Variants in PI4KB observed in about 807,000 individuals in gnomAD.
PI4KB encodes the protein phosphatidylinositol 4-kinase beta.
PI4KB carries 23 observed loss-of-function variants against 81.4 expected under a neutral mutation model. The ratio of observed to expected loss-of-function variants is 0.28; its 90% CI spans 0.20 to 0.40. The LOEUF is 0.40. Among genes scored for constraint, PI4KB ranks in the 10% least tolerant of loss-of-function variants. The probability of loss-of-function intolerance (pLI) is 1.00; values close to 1 mark genes in which losing one functional copy is unlikely to be tolerated. For synonymous variants in PI4KB, 381 were observed against 406.8 expected (o/e 0.94, Z 0.76); for missense variants, 651 against 1,036.6 (o/e 0.63, Z 5.11).
chr1:151,315,262 C>T (rs1372847286), intron 2 of PI4KB, among the ~76,000 whole-genome samples: 2 of 152,170 alleles, frequency 1.3e-5, no homozygotes, highest in African/African-American at 4.8e-5. Flanking sequence ...CAAGCGTGAG[C>T]CACCGCGCCT....
In PI4KB at chr1:151,292,954, C is replaced by T. The variant is rs1694421257; in HGVS notation, c.2349G>A (p.Glu783=). The T allele has an allele frequency of 6.2e-7, 1 of 1,614,084 alleles. No homozygotes were observed. Among genetic ancestry groups the T allele is most frequent in the African/African-American group, 1.3e-5 (1 of 74,934 alleles). The stretch of plus-strand genomic sequence containing the variant: ...TCTGCTCCACCAGCAGCTGCAGCTG[C>T]TCCTCAGTCATGCTCATGTGGAACC... ...KERFHMSMTE[E]QLQLLVEQMV... The change falls in exon 12 of 12, where the codon GAG becomes GAA. Residue 783 remains glutamate (E), a synonymous_variant. Transcript: ENST00000368873.
At chr1:151,293,381 T>C (rs1452251024) in intron 11 of PI4KB, 8 of 1,312,578 alleles carry the variant, frequency 6.1e-6, no homozygotes, top group Non-Finnish European at 8.0e-6. Context: ...CCTCTGCCTA[T>C]GCTACGTCTG....
intron 1 of PI4KB, among the ~76,000 whole-genome samples, chr1:151,320,288 C>G (rs973463482): frequency 1.3e-5 from 2 of 152,212 alleles, no homozygotes; most frequent in African/African-American, 4.8e-5. Context: ...CCACCTCGGC[C>G]TCCCAAAGTG....
At chr1:151,310,290 G>A in intron 2 of PI4KB, 35 bp from the exon 3 acceptor site, 2 of 1,295,594 alleles carry the variant, frequency 1.5e-6, no homozygotes, top group Non-Finnish European at 2.2e-6. Flanking sequence ...GGAGAAGGAG[G>A]GGGTGGGAAG....
intron 3 of PI4KB, 138 bp downstream of exon 3, chr1:151,310,073 G>T: frequency 1.5e-6 from 1 of 653,298 alleles, no homozygotes; most frequent in Non-Finnish European, 2.8e-6. Context: ...AGGTCTGGGA[G>T]GGAGGAGCTG....
Position 151,301,922 on chromosome 1 carries a change from C to A in PI4KB, c.1671G>T (p.Arg557=). The A allele has an allele frequency of 6.2e-7, 1 of 1,614,034 alleles. No homozygotes were observed. Among genetic ancestry groups the A allele is most frequent in the South Asian group, 1.1e-5 (1 of 91,080 alleles). Residue 557 remains arginine (R), a synonymous_variant, in exon 8 of 12, where the codon CGG becomes CGT. Coordinates refer to ENST00000368873, the MANE Select transcript of PI4KB (RefSeq NM_001369623.2). The part of the protein sequence containing the change: ...GSPYGHLPNW[R]LLSVIVKCGD... ...CACACTTGACAATGACTGACAGGAG[C>A]CGCCAATTGGGGAGATGGCCGTAGG... is the stretch of plus-strand genomic sequence containing the variant.
rs77789859 is a variant in PI4KB at position 151,308,255 on chromosome 1, A to G, written c.955-454T>C. Among the ~76,000 whole-genome samples, 1,329 of 152,272 alleles carry G rather than the reference A, an allele frequency of 8.7e-3. 19 individuals are homozygous for G. The highest frequency in any genetic ancestry group is 0.03 in the African/African-American group (1,236 of 41,546). ...TAGATCTCTGCCGAGGGGCTCCGTC[A>G]AGTCCCGCAAGGCTAGAGAAGGGAG... On this transcript the variant is annotated intron_variant, in intron 3 of 11. Coordinates refer to ENST00000368873, the MANE Select transcript of PI4KB (RefSeq NM_001369623.2).
At chr1:151,308,877 T>G (rs1171226435) in intron 3 of PI4KB, among the ~76,000 whole-genome samples, 1 of 152,176 alleles carries the variant, frequency 6.6e-6, no homozygotes, top group East Asian at 1.9e-4. Context: ...AGTTTCTGGA[T>G]TGAGAGAATT....
chr1:151,293,488 A>G, intron 11 of PI4KB: 2 of 997,568 alleles, frequency 2.0e-6, no homozygotes, highest in South Asian at 1.7e-5. Context: ...AGGAATGGGG[A>G]GGAGGGGGAG....
Position 151,292,956 on chromosome 1 carries a change from C to T in PI4KB, c.2347G>A (p.Glu783Lys), listed in dbSNP as rs755533251. The T allele has an allele frequency of 6.2e-7, 1 of 1,614,150 alleles. No individual in the cohort carries two copies. The highest frequency in any genetic ancestry group is 8.5e-7 in the Non-Finnish European group (1 of 1,179,998). ...KERFHMSMTE[E>K]QLQLLVEQMV... Reference sequence around the variant, plus strand: ...TGCTCCACCAGCAGCTGCAGCTGCTCCTCAGTCATGCTCATGTGGAACCTC... The same window carrying T: ...TGCTCCACCAGCAGCTGCAGCTGCTTCTCAGTCATGCTCATGTGGAACCTC... Residue 783 changes from glutamate to lysine, a missense_variant, in exon 12 of 12, where the codon GAG becomes AAG. Physicochemically the swap from Glu to Lys is moderately conservative, Grantham distance 56. Coordinates refer to ENST00000368873, the MANE Select transcript of PI4KB (RefSeq NM_001369623.2).
At chr1:151,313,580 T>TC (rs1647441900) in intron 2 of PI4KB, among the ~76,000 whole-genome samples, 1 of 152,206 alleles carries the variant, frequency 6.6e-6, no homozygotes, top group African/African-American at 2.4e-5. Flanking sequence ...CAGGTTTGAC[T>TC]CCAAGATGAG....
At chr1:151,314,820 C>T (rs1454545579) in intron 2 of PI4KB, among the ~76,000 whole-genome samples, 3 of 152,146 alleles carry the variant, frequency 2.0e-5, no homozygotes, top group Non-Finnish European at 4.4e-5. Flanking sequence ...TAACATCTCC[C>T]CTACCCCAGC....
chr1:151,322,717 C>T (rs1557816626), intron 1 of PI4KB, among the ~76,000 whole-genome samples: 3 of 152,098 alleles, frequency 2.0e-5, no homozygotes, highest in Admixed American at 1.3e-4. Context: ...TATTTCCCCA[C>T]CCCTTGCCTT....
intron 1 of PI4KB, 135 bp downstream of exon 1, chr1:151,327,136 G>T: frequency 2.5e-6 from 1 of 393,824 alleles, no homozygotes; most frequent in Non-Finnish European, 4.5e-6. Flanking sequence ...GAAGGAACCC[G>T]GGGTGCAGCT....
intron 1 of PI4KB, among the ~76,000 whole-genome samples, chr1:151,319,881 T>C (rs1648586353): frequency 6.6e-6 from 1 of 152,148 alleles, no homozygotes; most frequent in Non-Finnish European, 1.5e-5. Flanking sequence ...TTTCAAAATA[T>C]TAGTGACATC....
rs1336361268 is a variant in PI4KB at position 151,327,392 on chromosome 1, G to C, written c.-150C>G. 1 of 397,904 alleles carries C rather than the reference G, an allele frequency of 2.5e-6. No individual in the cohort carries two copies. The highest frequency in any genetic ancestry group is 2.1e-5 in the African/African-American group (1 of 48,598). 24.6% of individuals were successfully genotyped at this position (397,904 alleles called of 1,614,324 possible). A position where few individuals can be genotyped will look rare whatever the true frequency, so the allele number is the denominator to read the frequency against. ...CGCCTGCGCTTCCCTGACAGCGGCC[G>C]CGGAGGCTGCACCAGGCCCCGGCTG... On this transcript the variant is annotated 5_prime_UTR_variant, in exon 1 of 12. Transcript: ENST00000368873.
At position 151,292,687 on chromosome 1, in the gene PI4KB, C is replaced by T; in HGVS notation, c.*165G>A. 1 of 668,230 alleles carries T rather than the reference C, an allele frequency of 1.5e-6. No individual in the cohort carries two copies. The highest frequency in any genetic ancestry group is 2.5e-6 in the Non-Finnish European group (1 of 400,044). 41.4% of individuals were successfully genotyped at this position (668,230 alleles called of 1,614,324 possible). On this transcript the variant is annotated 3_prime_UTR_variant, in exon 12 of 12. Coordinates refer to ENST00000368873, the MANE Select transcript of PI4KB (RefSeq NM_001369623.2). The stretch of plus-strand genomic sequence containing the variant: ...CCCCACAGCTGGCTCTCCCACCCCT[C>T]AGCAAGCTCTCGCAGTTACCACATG...
chr1:151,301,055 G>A (rs1695227714), intron 8 of PI4KB: 1 of 152,256 alleles, frequency 6.6e-6, no homozygotes, highest in Admixed American at 6.5e-5. Context: ...AGGGCCAAAA[G>A]AGGCCGCTGT....
intron 9 of PI4KB, 78 bp downstream of exon 9, chr1:151,298,730 T>C: frequency 1.4e-6 from 2 of 1,429,706 alleles, no homozygotes; most frequent in Non-Finnish European, 1.9e-6. Context: ...AGGGCAGTAA[T>C]AAGTAATTGA....
Sources: allele counts gnomAD v4.1 joint callset (sites outside exome capture counted in the v4.1 genomes callset), GRCh38; gene constraint gnomAD v4.1.1; transcripts MANE v1.5; gene names NCBI Gene and HGNC (gene_info 2026-07-23, HGNC 2026-07-21).